HSD17B11: variants seen among roughly 807,000 people sequenced by gnomAD.
HSD17B11 encodes the protein hydroxysteroid 17-beta dehydrogenase 11.
Under a neutral mutation model 27.8 loss-of-function variants are expected in HSD17B11, and 22 were observed. The observed-to-expected ratio is 0.79, with a 90% CI of 0.56 to 1.13. The LOEUF is 1.13. Among genes scored for constraint, HSD17B11 ranks in the 50% most tolerant of loss-of-function variants. The probability of loss-of-function intolerance (pLI) is 0.00; values close to 1 mark genes in which losing one functional copy is unlikely to be tolerated. For missense variants in HSD17B11, 314 were observed against 351.1 expected, an observed-to-expected ratio of 0.89 and a Z score of 0.84; for synonymous variants, 117 against 132.8, an observed-to-expected ratio of 0.88 and a Z score of 0.82.
At chr4:87,372,069 C>T (rs1049734623) in intron 4 of HSD17B11, among the ~76,000 whole-genome samples, 3 of 151,906 alleles carry the variant, frequency 2.0e-5, no homozygotes, top group African/African-American at 4.8e-5. Context: ...AGTGAAACCC[C>T]GTCTCTACTA....
intron 3 of HSD17B11, 65 bp downstream of exon 3, chr4:87,374,634 A>G (rs62319101): frequency 0.3 from 444,251 of 1,476,626 alleles, 72,776 homozygotes; most frequent in African/African-American, 0.54. Flanking sequence ...TATGTCTGCT[A>G]AAAGCCCCAC....
At position 87,372,777 on chromosome 4, in the gene HSD17B11, G is replaced by T; in HGVS notation, c.489C>A (p.Asn163Lys). Residue 163 changes from asparagine (N) to lysine (K), a missense_variant, in exon 4 of 7, where the codon AAC becomes AAA. By Grantham distance (94) the Asn-to-Lys change is moderately conservative. Coordinates refer to ENST00000358290, the MANE Select transcript of HSD17B11 (RefSeq NM_016245.5). ...AAGCCACAGTGACAATATGGCCATG[G>T]TTATTCTTCGTCATTGCAGGAAGAA... ...KAFLPAMTKN[N>K]HGHIVTVASA... 1 of 1,613,692 alleles carries T rather than the reference G, an allele frequency of 6.2e-7. No homozygotes were observed.
chr4:87,372,715 G>A lies in HSD17B11; in HGVS notation c.551C>T (p.Ala184Val), dbSNP rs1434743137. The A allele has an allele frequency of 6.3e-7, 1 of 1,595,020 alleles. No homozygotes were observed. The highest frequency in any genetic ancestry group is 1.7e-5 in the Admixed American group (1 of 59,960). ...AGHVSVPFLL[A>V]YCSSKFAAVG... Reference sequence around the variant, plus strand: ...GAAACACATGTTCACATACCAGTAAGCCAGTAAGAAGGGGACCGAGACATG... The same window carrying A: ...GAAACACATGTTCACATACCAGTAAACCAGTAAGAAGGGGACCGAGACATG... The change falls in exon 4 of 7, where the codon GCT (alanine) becomes GTT (valine). Residue 184 changes from alanine (A) to valine (V), a missense_variant. Physicochemically the swap from Ala to Val is moderately conservative, Grantham distance 64. Transcript: ENST00000358290.
chr4:87,340,482 T>C lies in HSD17B11; in HGVS notation c.812+8A>G. ...TTTCATTTCTAAGGTTTCTTAACTG[T>C]CACTTACCTTTCCAATGTTGTTAAA... On this transcript the variant is annotated splice_region_variant and intron_variant, in intron 6 of 6. Transcript: ENST00000358290. The C allele has an allele frequency of 1.3e-6, 2 of 1,536,214 alleles. No individual in the cohort carries two copies. Among genetic ancestry groups the C allele is most frequent in the Non-Finnish European group, 1.8e-6 (2 of 1,118,322 alleles).
chr4:87,361,594 C>T (rs555459321), intron 4 of HSD17B11, among the ~76,000 whole-genome samples: 14 of 152,040 alleles, frequency 9.2e-5, no homozygotes, highest in African/African-American at 2.2e-4. Flanking sequence ...AGTGAAACCC[C>T]GTCTCTACTA....
At chr4:87,344,884 C>T (rs572079413) in intron 5 of HSD17B11, among the ~76,000 whole-genome samples, 1 of 152,022 alleles carries the variant, frequency 6.6e-6, no homozygotes. Flanking sequence ...AAACAGTACC[C>T]CTAAATAAGC....
chr4:87,373,724 A>T (rs1200929422), intron 3 of HSD17B11, among the ~76,000 whole-genome samples: 1 of 152,086 alleles, frequency 6.6e-6, no homozygotes, highest in East Asian at 1.9e-4. Context: ...ACAACAAAAA[A>T]AGAGACAGTA....
In HSD17B11 at chr4:87,386,052, T is replaced by A. The variant is rs1300238644; in HGVS notation, c.211-3690A>T. On this transcript the variant is annotated intron_variant, in intron 1 of 6. Coordinates refer to ENST00000358290, the MANE Select transcript of HSD17B11 (RefSeq NM_016245.5). ...TTTCAGAGATTTGCTTATTACTGGTTGGCTTTCTGTAACCACCAAGCAACT... is the reference window on the plus strand; with the variant it reads ...TTTCAGAGATTTGCTTATTACTGGTAGGCTTTCTGTAACCACCAAGCAACT... 2.0e-5 allele frequency: 3 copies of A among 152,320 alleles called. No homozygotes were observed. The South Asian group carries it at 6.2e-4, about 32-fold the overall frequency. The allele number at this position is 152,320 out of a possible 1,614,324, so 9.4% of individuals were successfully genotyped here.
At chr4:87,364,069 A>G (rs1369405704) in intron 4 of HSD17B11, among the ~76,000 whole-genome samples, 1 of 152,104 alleles carries the variant, frequency 6.6e-6, no homozygotes, top group Admixed American at 6.5e-5. Context: ...AAAGGCCTTT[A>G]TGTTTTTCTC....
chr4:87,372,597 G>A, intron 4 of HSD17B11, 112 bp downstream of exon 4: 1 of 667,242 alleles, frequency 1.5e-6, no homozygotes, highest in South Asian at 1.9e-5. Context: ...ATAATAAACT[G>A]GAAAACTTCA....
chr4:87,366,618 T>C (rs898144497), intron 4 of HSD17B11, among the ~76,000 whole-genome samples: 5 of 152,216 alleles, frequency 3.3e-5, no homozygotes, highest in Admixed American at 6.5e-5. Flanking sequence ...ATAATTGTTA[T>C]GTAAAATTTT....
intron 2 of HSD17B11, among the ~76,000 whole-genome samples, chr4:87,378,607 A>G (rs1485012989): frequency 6.6e-6 from 1 of 150,648 alleles, no homozygotes; most frequent in Non-Finnish European, 1.5e-5. Flanking sequence ...CAGGCAGTGC[A>G]ACCAGAGTAG....
chr4:87,344,864 T>C (rs1038778253), intron 5 of HSD17B11, among the ~76,000 whole-genome samples: 1 of 152,086 alleles, frequency 6.6e-6, no homozygotes, highest in Non-Finnish European at 1.5e-5. Flanking sequence ...CTCACAAATA[T>C]ACAGAAATTA....
intron 2 of HSD17B11, among the ~76,000 whole-genome samples, chr4:87,379,841 A>G (rs1178916615): frequency 1.6e-5 from 1 of 61,886 alleles, no homozygotes; most frequent in Non-Finnish European, 3.1e-5. Flanking sequence ...GTATTATACT[A>G]TTATATATGT....
intron 4 of HSD17B11, among the ~76,000 whole-genome samples, chr4:87,371,693 T>TA (rs537042564): frequency 2.0e-3 from 298 of 152,364 alleles, no homozygotes; most frequent in Non-Finnish European, 3.2e-3. Context: ...CAGTAATCTT[T>TA]AGCACATCTC....
At chr4:87,374,524 G>A in intron 3 of HSD17B11, 175 bp downstream of exon 3, 1 of 486,858 alleles carries the variant, frequency 2.1e-6, no homozygotes, top group South Asian at 2.9e-5. Flanking sequence ...TGTCAGTGAG[G>A]AAGAATGATA....
intron 2 of HSD17B11, among the ~76,000 whole-genome samples, chr4:87,376,503 C>CAAAA (rs70957230): frequency 3.2e-5 from 2 of 63,168 alleles, no homozygotes; most frequent in South Asian, 6.7e-4. Context: ...GATTTCATCT[C>CAAAA]AAAAAAAAAA....
At chr4:87,346,856 C>T (rs1191117050) in intron 5 of HSD17B11, among the ~76,000 whole-genome samples, 1 of 151,724 alleles carries the variant, frequency 6.6e-6, no homozygotes, top group Non-Finnish European at 1.5e-5. Context: ...AAAGCAAGAC[C>T]TTGTCTCTAA....
chr4:87,361,689 C>A (rs915797489), intron 4 of HSD17B11, among the ~76,000 whole-genome samples: 1 of 152,178 alleles, frequency 6.6e-6, no homozygotes, highest in African/African-American at 2.4e-5. Context: ...ATGGCGTGAA[C>A]CCGGGAGGCG....
Sources: gnomAD v4.1 joint callset for allele counts (sites outside exome capture counted in the v4.1 genomes callset) on GRCh38, gnomAD v4.1.1 for gene constraint, MANE v1.5 for transcripts, NCBI Gene and HGNC (gene_info 2026-07-23, HGNC 2026-07-21) for gene names.